KLHL29: variants seen among roughly 807,000 people sequenced by gnomAD.
The protein encoded by KLHL29 is kelch-like protein 29.
A neutral mutation model predicts 80.4 loss-of-function variants in KLHL29; 21 were observed. That is an observed-to-expected ratio of 0.26 (90% CI 0.19 to 0.38). The LOEUF (loss-of-function observed/expected upper bound fraction) is 0.38. Ranked by LOEUF, KLHL29 falls within the 10% of genes least tolerant of loss-of-function variation. The pLI, the probability that KLHL29 is intolerant of heterozygous loss-of-function variation, is 1.00. For synonymous variants in KLHL29, 511 were observed against 526.8 expected, an observed-to-expected ratio of 0.97 and a Z score of 0.41; for missense variants, 867 against 1,223.9, an observed-to-expected ratio of 0.71 and a Z score of 4.35.
chr2:23,450,818 T>G (rs960529202), intron 1 of KLHL29, among the ~76,000 whole-genome samples: 14 of 152,258 alleles, frequency 9.2e-5, no homozygotes, highest in Admixed American at 2.0e-4. Flanking sequence ...GTCACAGATA[T>G]GTGCAACCAT....
intron 2 of KLHL29, among the ~76,000 whole-genome samples, chr2:23,552,752 GTTTCT>G (rs1667160019): frequency 1.5e-5 from 1 of 67,988 alleles, no homozygotes; most frequent in Admixed American, 1.5e-4. Context: ...TATAGCTCTG[GTTTCT>G]TTTCTTTTTT....
At chr2:23,495,721 G>A (rs978078626) in intron 2 of KLHL29, among the ~76,000 whole-genome samples, 1 of 152,160 alleles carries the variant, frequency 6.6e-6, no homozygotes, top group Non-Finnish European at 1.5e-5. Context: ...CCAGGGCTCC[G>A]GGGGTTGACA....
At chr2:23,670,909 A>G (rs1200507486) in intron 5 of KLHL29, among the ~76,000 whole-genome samples, 2 of 27,794 alleles carry the variant, frequency 7.2e-5, no homozygotes, top group East Asian at 9.3e-3. Flanking sequence ...CTCTACACAC[A>G]TGCACGCGCT....
chr2:23,609,702 G>T (rs114268083), intron 3 of KLHL29, among the ~76,000 whole-genome samples: 1 of 152,062 alleles, frequency 6.6e-6, no homozygotes, highest in Non-Finnish European at 1.5e-5. Flanking sequence ...TACATAATAC[G>T]CTCTTACCAT....
intron 2 of KLHL29, among the ~76,000 whole-genome samples, chr2:23,523,631 C>T (rs1259348187): frequency 1.3e-5 from 2 of 152,130 alleles, no homozygotes; most frequent in African/African-American, 4.8e-5. Context: ...TGGCTTTTAC[C>T]CCCTCATACT....
In KLHL29 at chr2:23,469,843, T is replaced by C. The variant is rs1560593; in HGVS notation, c.-153-5717T>C. On this transcript the variant is annotated intron_variant, in intron 1 of 13. Coordinates refer to ENST00000486442, the MANE Select transcript of KLHL29 (RefSeq NM_052920.2). ...AGGTCCAGTTGGCACCTTTGGCTTC[T>C]TTTTCTTCATCTTGTGGAAATGCAA... 3.1e-3 allele frequency among the ~76,000 whole-genome samples: 477 copies of C among 152,220 alleles called. 3 individuals carry two copies. Among genetic ancestry groups the C allele is most frequent in the African/African-American group, 9.8e-3 (405 of 41,522 alleles).
chr2:23,673,170 C>A (rs1431653654), intron 5 of KLHL29, among the ~76,000 whole-genome samples: 2 of 152,072 alleles, frequency 1.3e-5, no homozygotes, highest in Admixed American at 1.3e-4. Flanking sequence ...CACAAGGGCA[C>A]AGACACGCAC....
chr2:23,568,405 G>C (rs1453127343), intron 3 of KLHL29, among the ~76,000 whole-genome samples: 4 of 152,148 alleles, frequency 2.6e-5, no homozygotes, highest in African/African-American at 9.7e-5. Flanking sequence ...ATTTATCTGT[G>C]GTCTGCTGTA....
intron 2 of KLHL29, among the ~76,000 whole-genome samples, chr2:23,560,294 C>T (rs1416829206): frequency 2.2e-5 from 2 of 90,732 alleles, no homozygotes; most frequent in South Asian, 3.9e-4. Flanking sequence ...TTTTTTGAGA[C>T]GGAGTCTTGC....
In KLHL29 at chr2:23,400,532, A is replaced by C. The variant is rs1666573815; in HGVS notation, c.-154+14752A>C. Among the ~76,000 whole-genome samples the C allele has an allele frequency of 2.0e-5, 3 of 152,126 alleles. No homozygotes were observed. In the South Asian group the frequency reaches 6.2e-4, roughly 32 times the overall value. On this transcript the variant is annotated intron_variant, in intron 1 of 13. Coordinates refer to ENST00000486442, the MANE Select transcript of KLHL29 (RefSeq NM_052920.2). ...CTTATCTCATGACATGGTGAGGCCT[A>C]ATGCAGAGCCATGCAGCTGGGCACC...
chr2:23,605,090 T>C (rs1668671003), intron 3 of KLHL29, among the ~76,000 whole-genome samples: 1 of 151,014 alleles, frequency 6.6e-6, no homozygotes, highest in South Asian at 2.1e-4. Flanking sequence ...CGTGGCCCTG[T>C]TCTTTTTCCT....
intron 1 of KLHL29, among the ~76,000 whole-genome samples, chr2:23,456,441 C>T (rs757565372): frequency 2.0e-5 from 3 of 152,224 alleles, no homozygotes; most frequent in Admixed American, 6.5e-5. Flanking sequence ...CTAGAATCTT[C>T]GGAGCAGTGA....
intron 3 of KLHL29, among the ~76,000 whole-genome samples, chr2:23,575,650 G>C (rs977801523): frequency 6.6e-6 from 1 of 152,202 alleles, no homozygotes; most frequent in Non-Finnish European, 1.5e-5. Flanking sequence ...CCCAGAACTG[G>C]GTTCACGGCC....
intron 5 of KLHL29, among the ~76,000 whole-genome samples, chr2:23,675,999 G>C (rs1004151856): frequency 3.9e-5 from 6 of 152,106 alleles, no homozygotes; most frequent in African/African-American, 1.4e-4. Flanking sequence ...TGCTCAGGAG[G>C]CCAGAGAGAA....
chr2:23,494,520 C>T (rs139614232), intron 2 of KLHL29, among the ~76,000 whole-genome samples: 70 of 152,320 alleles, frequency 4.6e-4, no homozygotes, highest in African/African-American at 1.6e-3. Context: ...GGCAACCAAT[C>T]CAGGCTGCTC....
At chr2:23,532,955 T>C (rs1212982509) in intron 2 of KLHL29, among the ~76,000 whole-genome samples, 1 of 152,086 alleles carries the variant, frequency 6.6e-6, no homozygotes, top group Non-Finnish European at 1.5e-5. Context: ...TGAGAAAGCC[T>C]GGGGGCCGAG....
chr2:23,527,599 C>T (rs913053546), intron 2 of KLHL29, among the ~76,000 whole-genome samples: 18 of 152,320 alleles, frequency 1.2e-4, no homozygotes, highest in African/African-American at 3.8e-4. Context: ...CCTTTCTCAG[C>T]GAAGAGTCGG....
chr2:23,427,609 G>A lies in KLHL29; in HGVS notation c.-154+41829G>A, dbSNP rs995499874. 7.9e-5 allele frequency among the ~76,000 whole-genome samples: 12 copies of A among 152,264 alleles called. No homozygotes were observed. The East Asian group carries it at 1.3e-3, about 17-fold the overall frequency. The stretch of plus-strand genomic sequence containing the variant: ...CCTTTCAGCGCCTGCGGACAGTCAC[G>A]TTAAAATGGCTTTGAGGGAGAGATG... On this transcript the variant is annotated intron_variant, in intron 1 of 13. Coordinates refer to ENST00000486442, the MANE Select transcript of KLHL29 (RefSeq NM_052920.2).
chr2:23,387,422 A>G (rs999536396), intron 1 of KLHL29, among the ~76,000 whole-genome samples: 1 of 152,156 alleles, frequency 6.6e-6, no homozygotes. Flanking sequence ...TCTTATCACT[A>G]ACTCAGCCCT....
Sources: allele counts gnomAD v4.1 joint callset (sites outside exome capture counted in the v4.1 genomes callset), GRCh38; gene constraint gnomAD v4.1.1; transcripts MANE v1.5; gene names NCBI Gene and HGNC (gene_info 2026-07-23, HGNC 2026-07-21).